Variants in CLDN10 observed in about 807,000 individuals in gnomAD.
The protein encoded by CLDN10 is claudin-10.
A neutral mutation model predicts 22.9 loss-of-function variants in CLDN10; 15 were observed. That is an observed-to-expected ratio of 0.65 (90% CI 0.44 to 1.01). The LOEUF is 1.01. CLDN10 is among the 50% of genes least tolerant of loss of function. The pLI, the probability that CLDN10 is intolerant of heterozygous loss-of-function variation, is 0.00. For missense variants in CLDN10, 247 were observed against 287.8 expected (o/e 0.86, Z 1.03); for synonymous variants, 114 against 111.4 (o/e 1.02, Z -0.15).
intron 1 of CLDN10, among the ~76,000 whole-genome samples, chr13:95,519,785 A>G (rs2043206091): frequency 6.6e-6 from 1 of 152,246 alleles, no homozygotes; most frequent in South Asian, 2.1e-4. Context: ...TTAAATCTAA[A>G]TTTAAATAAT....
Position 95,552,766 on chromosome 13 carries a change from G to A in CLDN10, c.13G>A (p.Ala5Thr). Residue 5 changes from alanine (A) to threonine (T), a missense_variant, in exon 1 of 5, where the codon GCT becomes ACT. By Grantham distance (58) the Ala-to-Thr change is moderately conservative (BLOSUM62 0). Transcript: ENST00000299339. MAST[A>T]SEIIAFMVSI... ...TGCAGCCGGCGGCATGGCTAGCACG[G>A]CTTCGGAGATCATCGCCTTCATGGT... 6.2e-7 allele frequency: 1 copy of A among 1,612,200 alleles called. No homozygotes were observed. Among genetic ancestry groups the A allele is most frequent in the Non-Finnish European group, 8.5e-7 (1 of 1,179,676 alleles).
At chr13:95,453,075 T>G (rs747442909) in intron 1 of CLDN10, among the ~76,000 whole-genome samples, 2 of 152,226 alleles carry the variant, frequency 1.3e-5, no homozygotes, top group African/African-American at 2.4e-5. Flanking sequence ...TTTTTGGTTT[T>G]GTTTTGTTTT....
At chr13:95,539,773 A>G (rs1345787839) in intron 1 of CLDN10, among the ~76,000 whole-genome samples, 1 of 152,224 alleles carries the variant, frequency 6.6e-6, no homozygotes, top group African/African-American at 2.4e-5. Flanking sequence ...TCCCATAGTT[A>G]TAATTCTGTT....
intron 1 of CLDN10, among the ~76,000 whole-genome samples, chr13:95,520,102 A>G (rs1003551299): frequency 1.1e-4 from 16 of 152,136 alleles, no homozygotes; most frequent in Non-Finnish European, 2.1e-4. Context: ...TAGTGAGTGC[A>G]TTCACACCCA....
intron 1 of CLDN10, among the ~76,000 whole-genome samples, chr13:95,485,212 A>T (rs931034157): frequency 6.6e-6 from 1 of 151,934 alleles, no homozygotes; most frequent in Non-Finnish European, 1.5e-5. Context: ...TTCCTGTAAG[A>T]GGATGTGTTT....
chr13:95,439,819 A>G (rs2042307611), intron 1 of CLDN10, among the ~76,000 whole-genome samples: 2 of 152,224 alleles, frequency 1.3e-5, no homozygotes, highest in African/African-American at 4.8e-5. Context: ...TTAAATAATA[A>G]TAGTAAATAA....
At chr13:95,526,605 T>C (rs1594588232) in intron 1 of CLDN10, among the ~76,000 whole-genome samples, 1 of 152,108 alleles carries the variant, frequency 6.6e-6, no homozygotes, top group African/African-American at 2.4e-5. Context: ...CTGGACAACA[T>C]GGTGAAACTC....
intron 1 of CLDN10, among the ~76,000 whole-genome samples, chr13:95,442,474 T>G (rs960055334): frequency 7.2e-5 from 11 of 152,182 alleles, no homozygotes; most frequent in African/African-American, 2.7e-4. Flanking sequence ...GCACTTAGGA[T>G]TTGCTATTTT....
intron 1 of CLDN10, among the ~76,000 whole-genome samples, chr13:95,535,595 G>T (rs774840833): frequency 6.6e-6 from 1 of 151,920 alleles, no homozygotes; most frequent in Non-Finnish European, 1.5e-5. Context: ...GAGAGGTTTA[G>T]TTGTAGACAT....
intron 1 of CLDN10, among the ~76,000 whole-genome samples, chr13:95,478,495 G>C (rs919758975): frequency 7.9e-5 from 12 of 152,218 alleles, no homozygotes; most frequent in Non-Finnish European, 1.8e-4. Context: ...ATAATGTGCT[G>C]TACCAGGACC....
In CLDN10 at chr13:95,440,838, A is replaced by G. The variant is rs137895578; in HGVS notation, c.214+6791A>G. On this transcript the variant is annotated intron_variant, in intron 1 of 4. Transcript: ENST00000376873. ...GTTGGAAGAAGGCACAATGCTGAAA[A>G]GTGCCCTAGCCTTACAGTGGTGAAG... is the stretch of plus-strand genomic sequence containing the variant. Among the ~76,000 whole-genome samples the G allele has an allele frequency of 1.0e-2, 1,519 of 152,374 alleles. 24 individuals are homozygous for G. Among genetic ancestry groups the G allele is most frequent in the African/African-American group, 0.035 (1,451 of 41,586 alleles).
chr13:95,572,798 A>T (rs1395855675), intron 3 of CLDN10, among the ~76,000 whole-genome samples: 1 of 152,192 alleles, frequency 6.6e-6, no homozygotes, highest in Non-Finnish European at 1.5e-5. Flanking sequence ...TGAACACCTG[A>T]TTAGCACAAT....
intron 3 of CLDN10, among the ~76,000 whole-genome samples, chr13:95,574,093 GC>G (rs2043895018): frequency 1.3e-5 from 2 of 152,088 alleles, no homozygotes; most frequent in Non-Finnish European, 2.9e-5. Context: ...GTGTATATGT[GC>G]CACATTTTCT....
Position 95,506,725 on chromosome 13 carries a change from G to A in CLDN10, c.215-53407G>A, listed in dbSNP as rs141805626. ...TTTACTATTTTATCCAACTTGGTGA[G>A]AGTTGTAGTCTAGGGTCCATCAGCC... On this transcript the variant is annotated intron_variant, in intron 1 of 4. Coordinates refer to the CLDN10 transcript ENST00000376873. Among the ~76,000 whole-genome samples, 234 of 152,322 alleles carry A rather than the reference G, an allele frequency of 1.5e-3. 1 individual carries two copies. The highest frequency in any genetic ancestry group is 0.015 in the South Asian group (73 of 4,832).
At chr13:95,562,742 C>G (rs535177828) in intron 3 of CLDN10, among the ~76,000 whole-genome samples, 1 of 152,108 alleles carries the variant, frequency 6.6e-6, no homozygotes, top group African/African-American at 2.4e-5. Flanking sequence ...CTCACTCTTC[C>G]GCATTATCTT....
chr13:95,553,976 G>A (rs982078216), intron 1 of CLDN10, among the ~76,000 whole-genome samples: 1 of 152,136 alleles, frequency 6.6e-6, no homozygotes, highest in African/African-American at 2.4e-5. Flanking sequence ...GATTTGAGGT[G>A]TTTTTTTCTT....
At chr13:95,510,322 G>A (rs1324963837) in intron 1 of CLDN10, among the ~76,000 whole-genome samples, 1 of 152,188 alleles carries the variant, frequency 6.6e-6, no homozygotes, top group Non-Finnish European at 1.5e-5. Context: ...CCCACCTAAA[G>A]AGCACTCACC....
At chr13:95,526,108 T>A (rs1349653379) in intron 1 of CLDN10, among the ~76,000 whole-genome samples, 1 of 152,234 alleles carries the variant, frequency 6.6e-6, no homozygotes, top group African/African-American at 2.4e-5. Flanking sequence ...ATGGTTTTTT[T>A]AATTTCCGAG....
At chr13:95,548,362 A>G (rs1229025447), upstream of CLDN10, among the ~76,000 whole-genome samples, 1 of 152,250 alleles carries the variant, frequency 6.6e-6, no homozygotes, top group East Asian at 1.9e-4. Flanking sequence ...CATGAAAAAC[A>G]AATCCACAAG....
Sources: gnomAD v4.1 joint callset for allele counts (sites outside exome capture counted in the v4.1 genomes callset) on GRCh38, gnomAD v4.1.1 for gene constraint, MANE v1.5 for transcripts, NCBI Gene and HGNC (gene_info 2026-07-23, HGNC 2026-07-21) for gene names.